The following LAMA2 variants were observed in gnomAD, a reference collection of about 807,000 sequenced individuals.
The protein encoded by LAMA2 is laminin subunit alpha-2.
A neutral mutation model predicts 364.8 loss-of-function variants in LAMA2; 269 were observed. The ratio of observed to expected loss-of-function variants is 0.74; its 90% confidence interval spans 0.67 to 0.82. The LOEUF (loss-of-function observed/expected upper bound fraction) is 0.82, where lower values mean the gene tolerates loss of function less well. LAMA2 is among the 40% of genes least tolerant of loss of function. The pLI is 0.00. For missense variants in LAMA2, 3,807 were observed against 3,873.2 expected, an observed-to-expected ratio of 0.98 and a Z score of 0.45; for synonymous variants, 1,379 against 1,370.6, an observed-to-expected ratio of 1.01 and a Z score of -0.14.
chr6:129,319,063 G>A (rs1474697127), intron 27 of LAMA2, among the ~76,000 whole-genome samples: 1 of 152,068 alleles, frequency 6.6e-6, no homozygotes, highest in African/African-American at 2.4e-5. Flanking sequence ...GAAAAGGTGA[G>A]TTAAGTTACT....
At chr6:129,076,575 T>G (rs939977764) in intron 3 of LAMA2, among the ~76,000 whole-genome samples, 3 of 148,670 alleles carry the variant, frequency 2.0e-5, no homozygotes, top group African/African-American at 7.4e-5. Flanking sequence ...AGATTTAATT[T>G]GGAAGCTCCC....
chr6:129,226,053 T>C (rs1265028513), intron 12 of LAMA2, among the ~76,000 whole-genome samples: 1 of 152,236 alleles, frequency 6.6e-6, no homozygotes, highest in African/African-American at 2.4e-5. Context: ...GATAGTTAGC[T>C]CTTCTTGTTG....
At chr6:129,066,288 G>T (rs1041842422) in intron 3 of LAMA2, among the ~76,000 whole-genome samples, 1 of 151,058 alleles carries the variant, frequency 6.6e-6, no homozygotes, top group East Asian at 1.9e-4. Flanking sequence ...CTCGTGATCC[G>T]CCCGCCTCGG....
intron 55 of LAMA2, among the ~76,000 whole-genome samples, chr6:129,486,014 A>C (rs1784566967): frequency 6.6e-6 from 1 of 152,256 alleles, no homozygotes; most frequent in African/African-American, 2.4e-5. Context: ...GAGGCAGGTT[A>C]CATGTTTGTG....
intron 1 of LAMA2, among the ~76,000 whole-genome samples, chr6:128,917,706 T>TTTTCTTTC (rs5879915): frequency 0.047 from 4,640 of 98,302 alleles, 119 homozygotes; most frequent in East Asian, 0.061. Flanking sequence ...TTTCTTTTTT[T>TTTTCTTTC]TTTCTTTCTT....
chr6:129,258,372 A>C (rs565952918), intron 14 of LAMA2, among the ~76,000 whole-genome samples: 1 of 152,206 alleles, frequency 6.6e-6, no homozygotes, highest in South Asian at 2.1e-4. Flanking sequence ...TGAATGAATA[A>C]ACAAAATGTG....
At chr6:129,160,917 G>T (rs1406789236) in intron 8 of LAMA2, among the ~76,000 whole-genome samples, 2 of 151,976 alleles carry the variant, frequency 1.3e-5, no homozygotes, top group African/African-American at 2.4e-5. Flanking sequence ...AACTTTAGAA[G>T]TTTATTGAAA....
intron 9 of LAMA2, among the ~76,000 whole-genome samples, chr6:129,166,078 G>A (rs1164232592): frequency 6.6e-6 from 1 of 152,120 alleles, no homozygotes; most frequent in African/African-American, 2.4e-5. Flanking sequence ...GCTGTAGTGG[G>A]AAAAGCAAAT....
intron 28 of LAMA2, among the ~76,000 whole-genome samples, chr6:129,322,184 A>G (rs1012112022): frequency 2.0e-5 from 3 of 152,200 alleles, no homozygotes; most frequent in Non-Finnish European, 4.4e-5. Flanking sequence ...ATTTATTTAC[A>G]TGTGTCCATT....
rs111531732 is a variant in LAMA2, at chr6:128,883,147, A to G, written c.-99A>G. The G allele has an allele frequency of 0.033, 40,105 of 1,202,312 alleles. 785 individuals are homozygous for G. Among genetic ancestry groups the G allele is most frequent in the Middle Eastern group, 0.078 (306 of 3,912 alleles). 74.5% of individuals were successfully genotyped at this position (1,202,312 alleles called of 1,614,324 possible). A position where few individuals can be genotyped will look rare whatever the true frequency, so the allele number is the denominator to read the frequency against. On this transcript the variant is annotated 5_prime_UTR_variant, in exon 1 of 65. Coordinates refer to ENST00000421865, the MANE Select transcript of LAMA2 (RefSeq NM_000426.4). ...AGGGGGCTGTCTCCTCCTCTTCCCCAGCAGCTGCTGCTCGCTCAGCTCACA... is the reference window on the plus strand; with the variant it reads ...AGGGGGCTGTCTCCTCCTCTTCCCCGGCAGCTGCTGCTCGCTCAGCTCACA...
chr6:129,270,724 C>A lies in LAMA2; in HGVS notation c.2423C>A (p.Ala808Asp), dbSNP rs1468694235. The A allele has an allele frequency of 6.2e-7, 1 of 1,613,148 alleles. No homozygotes were observed. Among genetic ancestry groups the A allele is most frequent in the African/African-American group, 1.3e-5 (1 of 74,958 alleles). ...KGTSEDCQPC[A>D]CPLNIPSNNF... ...ACCTCTGAAGACTGTCAACCCTGTGCCTGTCCACTCAATATCCCATCCAAT... is the reference window on the plus strand; with the variant it reads ...ACCTCTGAAGACTGTCAACCCTGTGACTGTCCACTCAATATCCCATCCAAT... Residue 808 changes from alanine (A) to aspartate (D), a missense_variant, in exon 17 of 65, where the codon GCC becomes GAC. Physicochemically the swap from Ala to Asp is moderately radical, Grantham distance 126 (BLOSUM62 -2). Transcript: ENST00000421865.
rs181769532 is a variant in LAMA2, at chr6:129,190,701, G to A, written c.1608+356G>A. On this transcript the variant is annotated intron_variant, in intron 11 of 64. Transcript: ENST00000421865. Reference sequence around the variant, plus strand: ...TATATTTTCCATTACTAGTATGTTCGTATGCAAGTTGAGAAAAACTCTGTA... The same window carrying A: ...TATATTTTCCATTACTAGTATGTTCATATGCAAGTTGAGAAAAACTCTGTA... Among the ~76,000 whole-genome samples, 41 of 152,174 alleles carry A rather than the reference G, an allele frequency of 2.7e-4. No homozygotes were observed. In the East Asian group the frequency reaches 3.1e-3, roughly 11 times the overall value.
intron 61 of LAMA2, among the ~76,000 whole-genome samples, chr6:129,505,583 A>G (rs1169069085): frequency 6.6e-6 from 1 of 152,016 alleles, no homozygotes; most frequent in African/African-American, 2.4e-5. Flanking sequence ...ATCTTGGCTC[A>G]CTGCAAGCTC....
chr6:129,151,814 G>T (rs1381284363), intron 7 of LAMA2, among the ~76,000 whole-genome samples: 1 of 152,100 alleles, frequency 6.6e-6, no homozygotes, highest in Non-Finnish European at 1.5e-5. Context: ...CTCCATACGT[G>T]GAGATTACAA....
chr6:129,014,352 T>G (rs756901132), intron 1 of LAMA2, among the ~76,000 whole-genome samples: 1 of 152,224 alleles, frequency 6.6e-6, no homozygotes, highest in Admixed American at 6.5e-5. Flanking sequence ...TCTGCGTTTA[T>G]ACCATTTCAG....
At chr6:129,241,052 A>G (rs555871048) in intron 12 of LAMA2, among the ~76,000 whole-genome samples, 8 of 152,190 alleles carry the variant, frequency 5.3e-5, no homozygotes, top group Non-Finnish European at 7.3e-5. Context: ...CCTTTAGCCT[A>G]TTTTTAGGAC....
intron 1 of LAMA2, among the ~76,000 whole-genome samples, chr6:128,944,070 G>A (rs1780344337): frequency 6.6e-6 from 1 of 152,132 alleles, no homozygotes; most frequent in South Asian, 2.1e-4. Flanking sequence ...TATAATCTTA[G>A]GGGGCTTAGT....
At chr6:129,256,780 A>ATATATATG (rs1441110247) in intron 14 of LAMA2, among the ~76,000 whole-genome samples, 18 of 136,216 alleles carry the variant, frequency 1.3e-4, no homozygotes, top group Non-Finnish European at 3.0e-4. Context: ...ATATATATAT[A>ATATATATG]TATATATATA....
At chr6:129,311,010 T>A (rs9372923) in intron 22 of LAMA2, among the ~76,000 whole-genome samples, 51,077 of 151,882 alleles carry the variant, frequency 0.34, 10,054 homozygotes, top group Non-Finnish European at 0.44. Context: ...AGACCAAAGC[T>A]AGTCAGAAGG....
Sources: allele counts gnomAD v4.1 joint callset (sites outside exome capture counted in the v4.1 genomes callset), GRCh38; gene constraint gnomAD v4.1.1; transcripts MANE v1.5; gene names NCBI Gene and HGNC (gene_info 2026-07-23, HGNC 2026-07-21).